PPP1R9A: variants seen among roughly 807,000 people sequenced by gnomAD.
PPP1R9A encodes protein phosphatase 1 regulatory subunit 9A, also known as neurabin-1.
PPP1R9A carries 59 observed loss-of-function variants against 141.9 expected under a neutral mutation model. The observed-to-expected ratio is 0.42, with a 90% CI of 0.34 to 0.52. The LOEUF is 0.52. PPP1R9A is among the 20% of genes least tolerant of loss of function. PPP1R9A has a pLI of 0.10. For missense variants in PPP1R9A, 1,444 were observed against 1,611.9 expected (o/e 0.90, Z 1.78); for synonymous variants, 500 against 569.7 (o/e 0.88, Z 1.74).
intron 4 of PPP1R9A, among the ~76,000 whole-genome samples, chr7:95,151,508 G>A (rs918167814): frequency 1.3e-5 from 2 of 152,082 alleles, no homozygotes; most frequent in African/African-American, 2.4e-5. Context: ...TTTTTTTAGG[G>A]CAATGAAACC....
At chr7:94,942,785 C>T (rs1427435261) in intron 2 of PPP1R9A, among the ~76,000 whole-genome samples, 1 of 149,870 alleles carries the variant, frequency 6.7e-6, no homozygotes, top group African/African-American at 2.5e-5. Context: ...GCCTGGGTGA[C>T]AGAGCAAGAC....
intron 8 of PPP1R9A, among the ~76,000 whole-genome samples, chr7:95,245,213 C>G (rs1585432282): frequency 6.6e-6 from 1 of 152,106 alleles, no homozygotes; most frequent in African/African-American, 2.4e-5. Flanking sequence ...GTACTTTTGC[C>G]CTTTTTTACG....
In PPP1R9A at chr7:94,910,874, AT is replaced by A; in HGVS notation, c.763del (p.Ser255LeufsTer35). On this transcript the variant is annotated frameshift_variant, in exon 2 of 20. Coordinates refer to ENST00000433360, the MANE Select transcript of PPP1R9A (RefSeq NM_001166160.2). LOFTEE classifies it high-confidence loss of function. The surrounding 1 kb of genome is among the most constrained non-coding windows in gnomAD (Gnocchi z 4.5). The part of the protein sequence containing the change: ...TNLDTFGHLK[D>X]SNSWPPSNKR... ...CTTGACACATTTGGTCACCTGAAGGATTCTAATTCCTGGCCTCCTTCAAACA... is the reference window on the plus strand; with the variant it reads ...CTTGACACATTTGGTCACCTGAAGGATCTAATTCCTGGCCTCCTTCAAACA... 1 of 1,613,976 alleles carries A rather than the reference AT, an allele frequency of 6.2e-7. No homozygotes were observed. Among genetic ancestry groups the A allele is most frequent in the Non-Finnish European group, 8.5e-7 (1 of 1,180,010 alleles).
intron 5 of PPP1R9A, among the ~76,000 whole-genome samples, chr7:95,185,382 T>TG (rs1225667235): frequency 6.6e-6 from 1 of 151,858 alleles, no homozygotes; most frequent in Admixed American, 6.6e-5. Flanking sequence ...TATGGGATTT[T>TG]TTTTTTGTCT....
intron 4 of PPP1R9A, among the ~76,000 whole-genome samples, chr7:95,126,147 A>G (rs1823524773): frequency 6.6e-6 from 1 of 152,152 alleles, no homozygotes; most frequent in Admixed American, 6.6e-5. Flanking sequence ...AAACTTCAGT[A>G]TCTAGCATTT....
chr7:95,280,099 T>C (rs1233635408), intron 16 of PPP1R9A, among the ~76,000 whole-genome samples: 1 of 152,148 alleles, frequency 6.6e-6, no homozygotes, highest in African/African-American at 2.4e-5. Flanking sequence ...TAGATGGACA[T>C]GTTTCTCACA....
At chr7:94,912,458 C>T (rs1238492428) in intron 2 of PPP1R9A, among the ~76,000 whole-genome samples, 2 of 152,098 alleles carry the variant, frequency 1.3e-5, no homozygotes, top group Non-Finnish European at 2.9e-5. Context: ...GTTATGGTGG[C>T]AGAATGTGTA....
chr7:94,953,169 T>C (rs1796671437), intron 2 of PPP1R9A, among the ~76,000 whole-genome samples: 1 of 152,228 alleles, frequency 6.6e-6, no homozygotes, highest in African/African-American at 2.4e-5. Context: ...TTCAGTTTTC[T>C]GCTTATGGCT....
intron 2 of PPP1R9A, chr7:95,098,203 G>A (rs1314616836): frequency 6.6e-6 from 1 of 152,168 alleles, no homozygotes; most frequent in Non-Finnish European, 1.5e-5. Context: ...GCCTAGTCAT[G>A]TTGACATATG....
At chr7:95,233,348 G>A (rs1218381213) in intron 8 of PPP1R9A, among the ~76,000 whole-genome samples, 1 of 151,424 alleles carries the variant, frequency 6.6e-6, no homozygotes, top group East Asian at 2.0e-4. Flanking sequence ...GGAGGGGAAT[G>A]TCACACACCA....
chr7:95,280,938 G>C (rs1585618940), intron 16 of PPP1R9A, among the ~76,000 whole-genome samples: 1 of 152,262 alleles, frequency 6.6e-6, no homozygotes, highest in Non-Finnish European at 1.5e-5. Context: ...TGGTCAACAT[G>C]GAATAACTGC....
At chr7:95,101,937 G>GT (rs1263151425) in intron 2 of PPP1R9A, among the ~76,000 whole-genome samples, 2 of 152,034 alleles carry the variant, frequency 1.3e-5, no homozygotes, top group African/African-American at 4.8e-5. Flanking sequence ...ATTTTTGGTT[G>GT]TTAAGGAGAG....
chr7:95,263,974 T>G (rs1046384946), intron 12 of PPP1R9A, among the ~76,000 whole-genome samples: 1 of 152,158 alleles, frequency 6.6e-6, no homozygotes, highest in Admixed American at 6.5e-5. Context: ...ATCATGACTG[T>G]TTTGCAATTG....
chr7:95,286,054 T>G (rs1021254369), intron 17 of PPP1R9A, 152 bp from the exon 18 acceptor site: 59 of 1,289,296 alleles, frequency 4.6e-5, no homozygotes, highest in Non-Finnish European at 5.8e-5. Flanking sequence ...GGTGCAGCAT[T>G]CTCAACCGCT....
At chr7:95,271,531 AT>A (rs1006673615) in intron 14 of PPP1R9A, among the ~76,000 whole-genome samples, 3 of 152,290 alleles carry the variant, frequency 2.0e-5, no homozygotes, top group African/African-American at 7.2e-5. Flanking sequence ...GGATTAACTC[AT>A]TTTTTTAACA....
rs191007638 is a variant in PPP1R9A, at chr7:95,008,588, C to T, written c.1395+97080C>T. On this transcript the variant is annotated intron_variant, in intron 2 of 19. Coordinates refer to ENST00000433360, the MANE Select transcript of PPP1R9A (RefSeq NM_001166160.2). ...TTCAGGAACATGAAGCTCCTTCTGTCTAATGGGATCACCATGTACGTTGTA... is the reference window on the plus strand; with the variant it reads ...TTCAGGAACATGAAGCTCCTTCTGTTTAATGGGATCACCATGTACGTTGTA... Among the ~76,000 whole-genome samples, 4 of 152,284 alleles carry T rather than the reference C, an allele frequency of 2.6e-5. No homozygotes were observed. In the East Asian group the frequency reaches 7.7e-4, roughly 29 times the overall value.
chr7:94,981,991 C>T (rs554335910), intron 2 of PPP1R9A, among the ~76,000 whole-genome samples: 1 of 145,002 alleles, frequency 6.9e-6, no homozygotes, highest in Non-Finnish European at 1.5e-5. Context: ...CACCCCACTA[C>T]AGGCCTCAGT....
intron 2 of PPP1R9A, among the ~76,000 whole-genome samples, chr7:94,921,842 AAAAC>A (rs1315724583): frequency 1.3e-5 from 2 of 152,008 alleles, no homozygotes; most frequent in Admixed American, 1.3e-4. Context: ...ACTGAGCACT[AAAAC>A]AAACAAACCT....
intron 2 of PPP1R9A, among the ~76,000 whole-genome samples, chr7:95,032,043 A>G (rs1807762805): frequency 6.6e-6 from 1 of 152,200 alleles, no homozygotes; most frequent in African/African-American, 2.4e-5. Context: ...TTTGGCAACC[A>G]TTATGATATA....
Sources: allele counts gnomAD v4.1 joint callset (sites outside exome capture counted in the v4.1 genomes callset), GRCh38; gene constraint gnomAD v4.1.1; non-coding constraint Gnocchi (gnomAD v3.1); transcripts MANE v1.5; gene names NCBI Gene and HGNC (gene_info 2026-07-23, HGNC 2026-07-21).